The following DAB1 variants were observed in gnomAD, a reference collection of about 807,000 sequenced individuals.
The protein encoded by DAB1 is DAB adaptor protein 1, also known as disabled homolog 1.
A neutral mutation model predicts 64.6 loss-of-function variants in DAB1; 15 were observed. That is an observed-to-expected ratio of 0.23 (90% CI 0.16 to 0.36). DAB1 has a LOEUF of 0.36. Ranked by LOEUF, DAB1 falls within the 10% of genes least tolerant of loss-of-function variation. The probability of loss-of-function intolerance (pLI) is 1.00; values close to 1 mark genes in which losing one functional copy is unlikely to be tolerated. For synonymous variants in DAB1, 235 were observed against 251.9 expected (o/e 0.93, Z 0.64); for missense variants, 596 against 706.7 (o/e 0.84, Z 1.78).
At chr1:57,214,602 T>C (rs1666267467) in intron 2 of DAB1, among the ~76,000 whole-genome samples, 1 of 152,144 alleles carries the variant, frequency 6.6e-6, no homozygotes, top group South Asian at 2.1e-4. Context: ...GAGCACACTT[T>C]CTGTTTCACC....
intron 2 of DAB1, among the ~76,000 whole-genome samples, chr1:57,170,221 A>C: frequency 6.6e-6 from 1 of 151,446 alleles, no homozygotes. Context: ...CTGATCTCGA[A>C]CTCTTGACCC....
At chr1:57,094,127 GA>G (rs1553140874) in intron 4 of DAB1, among the ~76,000 whole-genome samples, 1 of 86,002 alleles carries the variant, frequency 1.2e-5, no homozygotes, top group African/African-American at 3.7e-5. Flanking sequence ...AAAAAAAAAG[GA>G]ATCTTGGAGT....
chr1:57,227,928 G>T (rs575785759), intron 2 of DAB1, among the ~76,000 whole-genome samples: 11 of 152,140 alleles, frequency 7.2e-5, no homozygotes, highest in Non-Finnish European at 1.5e-4. Flanking sequence ...ACTTATGGGC[G>T]AGTGGAAGGA....
chr1:57,470,812 C>T (rs1316124653), intron 7 of DAB1, among the ~76,000 whole-genome samples: 7 of 152,212 alleles, frequency 4.6e-5, no homozygotes, highest in Non-Finnish European at 8.8e-5. Flanking sequence ...ATATTTAACT[C>T]TGCCTGGTTG....
chr1:58,470,077 G>C (rs747293978), intron 3 of DAB1, among the ~76,000 whole-genome samples: 86 of 151,566 alleles, frequency 5.7e-4, no homozygotes, highest in Non-Finnish European at 9.0e-4. Context: ...GAGGGAATTT[G>C]AGGTTGGCAG....
intron 2 of DAB1, among the ~76,000 whole-genome samples, chr1:57,264,485 T>C (rs1670433117): frequency 6.6e-6 from 1 of 152,226 alleles, no homozygotes; most frequent in Admixed American, 6.5e-5. Flanking sequence ...AAGGACAAAT[T>C]CCGCATTGGT....
intron 1 of DAB1, among the ~76,000 whole-genome samples, chr1:57,835,583 T>C (rs2101909034): frequency 6.6e-6 from 1 of 152,168 alleles, no homozygotes; most frequent in Middle Eastern, 3.2e-3. Flanking sequence ...AGCCTGGATA[T>C]GAGCCCAAGA....
intron 3 of DAB1, among the ~76,000 whole-genome samples, chr1:58,346,242 G>T (rs1643996358): frequency 6.6e-6 from 1 of 152,224 alleles, no homozygotes; most frequent in Admixed American, 6.5e-5. Context: ...AAGCGGAAAT[G>T]AAGGCCCCTG....
intron 6 of DAB1, among the ~76,000 whole-genome samples, chr1:57,758,974 A>G (rs1395732713): frequency 2.6e-5 from 4 of 152,200 alleles, no homozygotes; most frequent in African/African-American, 9.6e-5. Flanking sequence ...CCTCTTTGGA[A>G]GAAGATCACC....
At chr1:57,059,661 T>C (rs1273145468) in intron 9 of DAB1, among the ~76,000 whole-genome samples, 1 of 152,068 alleles carries the variant, frequency 6.6e-6, no homozygotes, top group Non-Finnish European at 1.5e-5. Flanking sequence ...TATTCGGTAT[T>C]ACCTCCGAGA....
intron 4 of DAB1, among the ~76,000 whole-genome samples, chr1:57,088,507 G>A (rs1479304472): frequency 1.3e-5 from 2 of 152,160 alleles, no homozygotes; most frequent in Non-Finnish European, 2.9e-5. Context: ...TGAAGATTGG[G>A]CCCATCTCCC....
At chr1:57,927,863 T>G (rs1162068276) in intron 5 of DAB1, among the ~76,000 whole-genome samples, 2 of 152,228 alleles carry the variant, frequency 1.3e-5, no homozygotes, top group East Asian at 3.8e-4. Context: ...AATATTTTCA[T>G]GAACACCCAC....
At chr1:57,381,387 CCACAGTATAAAG>C (rs1681361796) in intron 1 of DAB1, among the ~76,000 whole-genome samples, 1 of 152,052 alleles carries the variant, frequency 6.6e-6, no homozygotes, top group South Asian at 2.1e-4. Flanking sequence ...ACATTGGAGT[CCACAGTATAAAG>C]CATAAGGCTC....
intron 7 of DAB1, among the ~76,000 whole-genome samples, chr1:57,503,579 A>G (rs1426467037): frequency 6.6e-6 from 1 of 152,226 alleles, no homozygotes. Context: ...GAATAGACAC[A>G]TACTCTAAGA....
intron 6 of DAB1, among the ~76,000 whole-genome samples, chr1:57,711,133 C>T (rs1033962898): frequency 3.9e-5 from 6 of 152,156 alleles, no homozygotes; most frequent in African/African-American, 1.4e-4. Context: ...AGAATTGGCT[C>T]CACTCATCCT....
chr1:57,352,142 G>C (rs569357258), intron 1 of DAB1, among the ~76,000 whole-genome samples: 1 of 152,236 alleles, frequency 6.6e-6, no homozygotes, highest in Non-Finnish European at 1.5e-5. Flanking sequence ...TGACAAGATG[G>C]AAAAAGGATC....
chr1:57,894,122 A>G (rs1271985211), intron 5 of DAB1, among the ~76,000 whole-genome samples: 2 of 152,164 alleles, frequency 1.3e-5, no homozygotes, highest in African/African-American at 4.8e-5. Context: ...ATGCCAACGT[A>G]TAAGACCCCA....
intron 4 of DAB1, among the ~76,000 whole-genome samples, chr1:58,298,294 G>A (rs1385897082): frequency 6.6e-6 from 1 of 152,162 alleles, no homozygotes; most frequent in Non-Finnish European, 1.5e-5. Flanking sequence ...AGGATTACAT[G>A]TTAAAGTTTG....
chr1:57,779,298 A>G (rs1172832649), intron 6 of DAB1, among the ~76,000 whole-genome samples: 1 of 152,114 alleles, frequency 6.6e-6, no homozygotes, highest in Non-Finnish European at 1.5e-5. Flanking sequence ...TGAGGTGAGA[A>G]TGAGCACATT....
Sources: gnomAD v4.1 joint callset for allele counts (sites outside exome capture counted in the v4.1 genomes callset) on GRCh38, gnomAD v4.1.1 for gene constraint, MANE v1.5 for transcripts, NCBI Gene and HGNC (gene_info 2026-07-23, HGNC 2026-07-21) for gene names.